Variants in PRKG1 observed in about 807,000 individuals in gnomAD.
The protein encoded by PRKG1 is cGMP-dependent protein kinase 1.
In PRKG1, 35 loss-of-function variants were observed where a neutral mutation model predicts 88.1. The ratio of observed to expected loss-of-function variants is 0.40; its 90% CI spans 0.30 to 0.53. PRKG1 has a LOEUF of 0.53. Ranked by LOEUF, PRKG1 falls within the 20% of genes least tolerant of loss-of-function variation. PRKG1 has a pLI of 0.59. For synonymous variants in PRKG1, 303 were observed against 292.5 expected (o/e 1.04, Z -0.37); for missense variants, 540 against 839.8 (o/e 0.64, Z 4.41).
chr10:51,191,849 G>A (rs1167447427), intron 2 of PRKG1, among the ~76,000 whole-genome samples: 3 of 151,676 alleles, frequency 2.0e-5, no homozygotes, highest in African/African-American at 7.3e-5. Context: ...ACATCCCCTA[G>A]GCATAGTGAG....
chr10:51,142,804 A>T (rs1845850118), intron 1 of PRKG1, among the ~76,000 whole-genome samples: 1 of 152,120 alleles, frequency 6.6e-6, no homozygotes, highest in African/African-American at 2.4e-5. Context: ...GAAATGCTCT[A>T]TGTAGATAAA....
At chr10:51,386,009 G>C (rs967296289) in intron 2 of PRKG1, among the ~76,000 whole-genome samples, 2 of 152,018 alleles carry the variant, frequency 1.3e-5, no homozygotes, top group Admixed American at 1.3e-4. Context: ...CATTGGTTTA[G>C]AGTGTAAAAA....
intron 1 of PRKG1, among the ~76,000 whole-genome samples, chr10:51,110,420 G>A (rs1033565046): frequency 6.6e-6 from 1 of 152,014 alleles, no homozygotes; most frequent in Non-Finnish European, 1.5e-5. Context: ...TTATGCTAGT[G>A]AAAGAATCCA....
At chr10:52,026,331 A>G (rs1014635324) in intron 5 of PRKG1, among the ~76,000 whole-genome samples, 1 of 152,240 alleles carries the variant, frequency 6.6e-6, no homozygotes, top group African/African-American at 2.4e-5. Flanking sequence ...CATGGAAGTA[A>G]TTAACTAAAT....
intron 4 of PRKG1, among the ~76,000 whole-genome samples, chr10:51,821,872 G>A (rs183842005): frequency 4.9e-4 from 75 of 152,134 alleles, no homozygotes; most frequent in Non-Finnish European, 9.1e-4. Flanking sequence ...AATTGTTACA[G>A]TCATTATGGA....
intron 3 of PRKG1, among the ~76,000 whole-genome samples, chr10:51,726,171 A>T (rs1185145463): frequency 2.0e-5 from 3 of 152,012 alleles, no homozygotes. Context: ...CTTTTTTTAA[A>T]GTTTGTTTTT....
chr10:52,021,780 A>T (rs1845192965), intron 5 of PRKG1, among the ~76,000 whole-genome samples: 1 of 152,230 alleles, frequency 6.6e-6, no homozygotes, highest in Non-Finnish European at 1.5e-5. Context: ...CCAGGTAATT[A>T]TTCAAGTATA....
At chr10:50,992,064 G>T (rs1842788757) in intron 1 of PRKG1, among the ~76,000 whole-genome samples, 1 of 152,108 alleles carries the variant, frequency 6.6e-6, no homozygotes, top group Admixed American at 6.5e-5. Context: ...CGACCCCCCG[G>T]ACTCAGGCCA....
At chr10:51,695,952 CTTGTT>C (rs1841280079) in intron 3 of PRKG1, 1 of 152,134 alleles carries the variant, frequency 6.6e-6, no homozygotes, top group South Asian at 2.1e-4. Context: ...TTTATTACTA[CTTGTT>C]TTATGATACC....
rs150627874 is a variant in PRKG1 at position 51,003,361 on chromosome 10, G to A, written c.266+11717G>A. ...GAAGCATGCTACATTGAAATCCCCC[G>A]GTTACCCAGACTCACCATCTGACTC... On this transcript the variant is annotated intron_variant, in intron 1 of 17. Coordinates refer to the PRKG1 transcript ENST00000401604. 5.3e-5 allele frequency among the ~76,000 whole-genome samples: 8 copies of A among 152,216 alleles called. No homozygotes were observed. In the East Asian group the frequency reaches 5.8e-4, roughly 11 times the overall value.
At chr10:52,092,140 T>C in intron 7 of PRKG1, among the ~76,000 whole-genome samples, 1 of 152,104 alleles carries the variant, frequency 6.6e-6, no homozygotes, top group Admixed American at 6.6e-5. Flanking sequence ...AATAGGCAGG[T>C]TGGTTAGACT....
intron 3 of PRKG1, among the ~76,000 whole-genome samples, chr10:51,500,275 C>T (rs947673825): frequency 1.3e-4 from 20 of 152,300 alleles, no homozygotes; most frequent in Non-Finnish European, 2.8e-4. Flanking sequence ...AATGTTTCCA[C>T]TTGAACTTGG....
chr10:51,348,942 GAA>G (rs1428776482), intron 2 of PRKG1, among the ~76,000 whole-genome samples: 4 of 152,118 alleles, frequency 2.6e-5, no homozygotes, highest in African/African-American at 9.7e-5. Context: ...GGTAGCAGGT[GAA>G]ATCCGGAGCT....
intron 2 of PRKG1, among the ~76,000 whole-genome samples, chr10:51,365,088 T>C (rs1283762094): frequency 6.6e-6 from 1 of 151,938 alleles, no homozygotes; most frequent in Non-Finnish European, 1.5e-5. Flanking sequence ...ACTAGCTCTA[T>C]AACTTTGGGT....
At position 52,161,880 on chromosome 10, in the gene PRKG1, G is replaced by T; in HGVS notation, c.1002-9G>T. The T allele has an allele frequency of 6.2e-7, 1 of 1,610,520 alleles. No individual in the cohort carries two copies. ...GAAGATTAATCACTGTGCTTTTTTC[G>T]TCTGACAGCTCTTTTAAACATTTGA... On this transcript the variant is annotated splice_polypyrimidine_tract_variant and intron_variant, in intron 8 of 17. Coordinates refer to ENST00000373980, the MANE Select transcript of PRKG1 (RefSeq NM_006258.4).
intron 3 of PRKG1, among the ~76,000 whole-genome samples, chr10:51,513,732 G>A (rs1416185753): frequency 5.6e-4 from 57 of 102,198 alleles, no homozygotes; most frequent in African/African-American, 2.0e-3. Context: ...TGAACAACCT[G>A]CTCCTGAATG....
At chr10:52,083,046 G>A (rs1435834155) in intron 7 of PRKG1, among the ~76,000 whole-genome samples, 1 of 152,012 alleles carries the variant, frequency 6.6e-6, no homozygotes, top group Non-Finnish European at 1.5e-5. Flanking sequence ...TGGGTGAGGG[G>A]ATATGGAAGA....
At chr10:52,150,231 A>G (rs1184456610) in intron 8 of PRKG1, among the ~76,000 whole-genome samples, 1 of 151,464 alleles carries the variant, frequency 6.6e-6, no homozygotes, top group African/African-American at 2.4e-5. Flanking sequence ...GAAAGCAGAT[A>G]TTTAATACCA....
At chr10:51,155,078 A>G in intron 2 of PRKG1, among the ~76,000 whole-genome samples, 1 of 152,078 alleles carries the variant, frequency 6.6e-6, no homozygotes, top group East Asian at 1.9e-4. Context: ...TGTATAAAGG[A>G]AAGTATACTT....
Sources: allele counts gnomAD v4.1 joint callset (sites outside exome capture counted in the v4.1 genomes callset), GRCh38; gene constraint gnomAD v4.1.1; transcripts MANE v1.5; gene names NCBI Gene and HGNC (gene_info 2026-07-23, HGNC 2026-07-21).